ABCA13: variants seen among roughly 807,000 people sequenced by gnomAD.
ABCA13 encodes the protein ATP-binding cassette sub-family A member 13.
A neutral mutation model predicts 478.7 loss-of-function variants in ABCA13; 476 were observed. That is an observed-to-expected ratio of 0.99 (90% CI 0.92 to 1.07). ABCA13 has a LOEUF of 1.07. Among genes scored for constraint, ABCA13 ranks in the 50% least tolerant of loss-of-function variants. ABCA13 has a pLI of 0.00. For synonymous variants in ABCA13, 2,252 were observed against 2,158.9 expected, an observed-to-expected ratio of 1.04 and a Z score of -1.20; for missense variants, 6,060 against 5,910.6, an observed-to-expected ratio of 1.03 and a Z score of -0.83.
At chr7:48,357,773 C>T (rs746375478) in intron 31 of ABCA13, among the ~76,000 whole-genome samples, 12 of 151,852 alleles carry the variant, frequency 7.9e-5, no homozygotes, top group Non-Finnish European at 1.5e-4. Flanking sequence ...TATTAATTGC[C>T]ACTTGCTACT....
intron 55 of ABCA13, among the ~76,000 whole-genome samples, chr7:48,561,034 T>G (rs781191889): frequency 1.3e-5 from 2 of 152,314 alleles, no homozygotes; most frequent in Non-Finnish European, 2.9e-5. Flanking sequence ...TGACATAATT[T>G]CTTCCTTTTT....
At chr7:48,203,393 A>G (rs1205538097) in intron 3 of ABCA13, among the ~76,000 whole-genome samples, 1 of 152,210 alleles carries the variant, frequency 6.6e-6, no homozygotes. Flanking sequence ...AGGGCTCCTC[A>G]AGTGCCACCA....
Position 48,403,901 on chromosome 7 carries a change from G to A in ABCA13, c.12070+22G>A, listed in dbSNP as rs189190688. On this transcript the variant is annotated intron_variant, in intron 39 of 61. Coordinates refer to ENST00000435803, the MANE Select transcript of ABCA13 (RefSeq NM_152701.5). Reference sequence around the variant, plus strand: ...GAAGGTAGGCACTGGGCCTCATTCTGCCTTCTCTTCCCACAATATTGTGTT... The same window carrying A: ...GAAGGTAGGCACTGGGCCTCATTCTACCTTCTCTTCCCACAATATTGTGTT... 259 of 1,602,748 alleles carry A rather than the reference G, an allele frequency of 1.6e-4. 1 individual carries two copies. The African/African-American group carries it at 2.9e-3, about 18-fold the overall frequency.
intron 39 of ABCA13, 129 bp from the exon 40 acceptor site, chr7:48,410,391 T>A: frequency 5.8e-6 from 7 of 1,215,228 alleles, no homozygotes; most frequent in Non-Finnish European, 8.2e-6. Context: ...GCATTTCAAT[T>A]TTTTTCAGTT....
chr7:48,574,214 C>T (rs1031890723), intron 55 of ABCA13, among the ~76,000 whole-genome samples: 4 of 152,032 alleles, frequency 2.6e-5, no homozygotes, highest in African/African-American at 9.7e-5. Context: ...TTCTGTTTTA[C>T]TTCAAAGAGA....
intron 40 of ABCA13, among the ~76,000 whole-genome samples, chr7:48,411,544 G>A (rs1003252211): frequency 3.9e-5 from 6 of 152,092 alleles, no homozygotes; most frequent in African/African-American, 1.4e-4. Flanking sequence ...CTGACCTCAG[G>A]TGATCCACCA....
chr7:48,561,589 C>T (rs1043743966), intron 55 of ABCA13, among the ~76,000 whole-genome samples: 1 of 152,042 alleles, frequency 6.6e-6, no homozygotes, highest in Non-Finnish European at 1.5e-5. Flanking sequence ...TATTGGTTTT[C>T]TTTCTGAGAA....
intron 29 of ABCA13, among the ~76,000 whole-genome samples, chr7:48,347,157 G>A (rs1398051492): frequency 6.6e-6 from 1 of 152,148 alleles, no homozygotes; most frequent in Non-Finnish European, 1.5e-5. Context: ...CTTCTAGCAG[G>A]TACTAGGTGG....
At chr7:48,392,833 A>T (rs1816263406) in intron 38 of ABCA13, among the ~76,000 whole-genome samples, 1 of 152,240 alleles carries the variant, frequency 6.6e-6, no homozygotes, top group South Asian at 2.1e-4. Context: ...ATTCAAATTT[A>T]GAAGAATCAG....
intron 29 of ABCA13, among the ~76,000 whole-genome samples, chr7:48,340,776 T>TATTCAAAA (rs1489262357): frequency 6.6e-6 from 1 of 152,204 alleles, no homozygotes; most frequent in African/African-American, 2.4e-5. Context: ...TAAGTTTTCC[T>TATTCAAAA]ATTCAAAAAT....
At chr7:48,475,950 G>A (rs1828046105) in intron 45 of ABCA13, among the ~76,000 whole-genome samples, 2 of 152,182 alleles carry the variant, frequency 1.3e-5, no homozygotes, top group South Asian at 2.1e-4. Context: ...AGCTCCAGTG[G>A]ATAACAACAC....
At chr7:48,465,936 T>C (rs1299418805) in intron 43 of ABCA13, among the ~76,000 whole-genome samples, 1 of 152,178 alleles carries the variant, frequency 6.6e-6, no homozygotes, top group African/African-American at 2.4e-5. Context: ...ATTTATATAA[T>C]AATTCTTTCC....
chr7:48,609,999 A>G (rs1385747512), intron 58 of ABCA13, among the ~76,000 whole-genome samples: 1 of 152,108 alleles, frequency 6.6e-6, no homozygotes, highest in Non-Finnish European at 1.5e-5. Flanking sequence ...CCCATATCTC[A>G]TGTTTTTCTC....
chr7:48,441,818 A>T (rs1211197730), intron 42 of ABCA13, among the ~76,000 whole-genome samples: 1 of 152,314 alleles, frequency 6.6e-6, no homozygotes, highest in East Asian at 1.9e-4. Context: ...CAGTGTTGAG[A>T]GCCCTGTTAC....
chr7:48,446,534 C>A (rs1389177877), intron 42 of ABCA13, among the ~76,000 whole-genome samples: 1 of 152,056 alleles, frequency 6.6e-6, no homozygotes, highest in East Asian at 1.9e-4. Flanking sequence ...TATTTCATTT[C>A]TAATTACTGC....
intron 35 of ABCA13, among the ~76,000 whole-genome samples, chr7:48,381,567 G>T (rs900909433): frequency 1.3e-5 from 2 of 152,010 alleles, no homozygotes; most frequent in African/African-American, 4.8e-5. Flanking sequence ...TCAACTGCAG[G>T]TCTCCACGCT....
At chr7:48,615,626 TC>T (rs1375730584) in intron 59 of ABCA13, among the ~76,000 whole-genome samples, 1 of 152,102 alleles carries the variant, frequency 6.6e-6, no homozygotes, top group Non-Finnish European at 1.5e-5. Context: ...TAGACATTGC[TC>T]CCTCCTTGTA....
chr7:48,403,822 G>A lies in ABCA13; in HGVS notation c.12013G>A (p.Gly4005Arg). The stretch of plus-strand genomic sequence containing the variant: ...CGTGGTTCTGGATGAGCCCACCAGT[G>A]GGGTGGACCCTTGCTCCCGGCATAG... ...RTVVLDEPTS[G>R]VDPCSRHSLW... Residue 4005 changes from glycine to arginine, a missense_variant, in exon 39 of 62, where the codon GGG becomes AGG. Physicochemically the swap from Gly to Arg is moderately radical, Grantham distance 125. Coordinates refer to ENST00000435803, the MANE Select transcript of ABCA13 (RefSeq NM_152701.5). The A allele has an allele frequency of 6.2e-7, 1 of 1,613,790 alleles. No homozygotes were observed. Among genetic ancestry groups the A allele is most frequent in the Non-Finnish European group, 8.5e-7 (1 of 1,179,798 alleles).
rs1309813830 is a variant in ABCA13, at chr7:48,272,249, T to C, written c.2583T>C (p.Val861=). 1 of 1,612,588 alleles carries C rather than the reference T, an allele frequency of 6.2e-7. No individual in the cohort carries two copies. The change falls in exon 17 of 62, where the codon GTT becomes GTC. Residue 861 remains valine (V), a synonymous_variant. Transcript: ENST00000435803. ...TCTTTACACTTTTAAATTTTTCTGT[T>C]CCAGAAAATGAGATTCTGAGTACAA... ...ENFFTLLNFS[V]PENEILSTSF... is the part of the protein sequence containing the mutation.
Sources: gnomAD v4.1 joint callset for allele counts (sites outside exome capture counted in the v4.1 genomes callset) on GRCh38, gnomAD v4.1.1 for gene constraint, MANE v1.5 for transcripts, NCBI Gene and HGNC (gene_info 2026-07-23, HGNC 2026-07-21) for gene names.